MGLL: variants seen among roughly 807,000 people sequenced by gnomAD.
MGLL encodes monoglyceride lipase, also known as lysophospholipase homolog.
Under a neutral mutation model 29.1 loss-of-function variants are expected in MGLL, and 7 were observed. The ratio of observed to expected loss-of-function variants is 0.24; its 90% confidence interval spans 0.14 to 0.45. The LOEUF (loss-of-function observed/expected upper bound fraction) is 0.45. MGLL is among the 20% of genes least tolerant of loss of function. MGLL has a pLI of 0.99. For missense variants in MGLL, 356 were observed against 413.6 expected (o/e 0.86, Z 1.21); for synonymous variants, 148 against 168.3 (o/e 0.88, Z 0.93).
chr3:127,785,007 C>T (rs901558798), intron 2 of MGLL, among the ~76,000 whole-genome samples: 8 of 152,140 alleles, frequency 5.3e-5, no homozygotes, highest in Admixed American at 3.3e-4. Context: ...ATGTGCCAGG[C>T]GATAGTGTGC....
At chr3:127,710,816 A>G in intron 5 of MGLL, 151 bp from the exon 6 acceptor site, 3 of 713,378 alleles carry the variant, frequency 4.2e-6, no homozygotes, top group Admixed American at 2.0e-5. Flanking sequence ...TTAAGCCTGC[A>G]TGCCCAAGGA....
intron 6 of MGLL, among the ~76,000 whole-genome samples, chr3:127,698,287 C>T (rs1429351726): frequency 2.0e-5 from 3 of 152,146 alleles, no homozygotes; most frequent in African/African-American, 7.2e-5. Flanking sequence ...ACAGAGGGGC[C>T]AAACCCTCCC....
intron 2 of MGLL, among the ~76,000 whole-genome samples, chr3:127,793,085 T>C (rs183847959): frequency 7.9e-5 from 12 of 152,340 alleles, no homozygotes; most frequent in African/African-American, 2.9e-4. Flanking sequence ...TCCTTGGCTG[T>C]GAGCCAGATG....
At chr3:127,755,514 G>A (rs943969109) in intron 3 of MGLL, among the ~76,000 whole-genome samples, 51 of 152,254 alleles carry the variant, frequency 3.3e-4, no homozygotes, top group Admixed American at 9.8e-4. Context: ...TTATGAATGC[G>A]TGTGGGTGGG....
intron 2 of MGLL, among the ~76,000 whole-genome samples, chr3:127,784,668 G>GC (rs1360279643): frequency 6.6e-6 from 1 of 152,138 alleles, no homozygotes; most frequent in Non-Finnish European, 1.5e-5. Flanking sequence ...CACCCTGAGA[G>GC]CCCACCTTTG....
At chr3:127,756,026 A>C (rs1357613443) in intron 3 of MGLL, among the ~76,000 whole-genome samples, 2 of 152,210 alleles carry the variant, frequency 1.3e-5, no homozygotes, top group Non-Finnish European at 2.9e-5. Flanking sequence ...GATGGCATGG[A>C]TAGATGGAAC....
At chr3:127,803,927 G>A (rs1406408659) in intron 2 of MGLL, among the ~76,000 whole-genome samples, 1 of 152,168 alleles carries the variant, frequency 6.6e-6, no homozygotes, top group East Asian at 1.9e-4. Context: ...CAGGGCTCTT[G>A]AGTGTACCCC....
At chr3:127,767,203 G>T (rs903043830) in intron 3 of MGLL, among the ~76,000 whole-genome samples, 17 of 151,818 alleles carry the variant, frequency 1.1e-4, no homozygotes, top group African/African-American at 4.1e-4. Flanking sequence ...CCATCTATGG[G>T]TGCCTGTCAT....
intron 3 of MGLL, among the ~76,000 whole-genome samples, chr3:127,726,254 AAG>A (rs1419555309): frequency 1.4e-4 from 19 of 132,922 alleles, no homozygotes; most frequent in African/African-American, 5.2e-4. Context: ...AAGGGAGGGA[AAG>A]AGAGAGAGAA....
intron 3 of MGLL, among the ~76,000 whole-genome samples, chr3:127,737,630 CTTTTTTTTTTTTTTT>C (rs774965066): frequency 4.4e-5 from 3 of 68,610 alleles, no homozygotes; most frequent in African/African-American, 7.4e-5. Context: ...TCAACTGCTT[CTTTTTTTTTTTTTTT>C]TTTTTTTTTT....
chr3:127,783,357 C>T (rs900079697), intron 2 of MGLL, among the ~76,000 whole-genome samples: 2 of 152,100 alleles, frequency 1.3e-5, no homozygotes, highest in Admixed American at 1.3e-4. Context: ...GGCCTTTCTG[C>T]TGGGCTCTGG....
rs145300602 is a variant in MGLL, at chr3:127,781,936, C to T, written c.156-41G>A. On this transcript the variant is annotated intron_variant, in intron 2 of 7. Transcript: ENST00000265052. ...GGGAGCCTGGTTAGGAAAGCCCACA[C>T]GGGGCTGGGCGCGGTGGCTCATGCC... 309 of 1,590,978 alleles carry T rather than the reference C, an allele frequency of 1.9e-4. No homozygotes were observed. The African/African-American group carries it at 3.4e-3, about 17-fold the overall frequency.
chr3:127,762,671 G>A (rs570772801), intron 3 of MGLL, among the ~76,000 whole-genome samples: 1 of 152,298 alleles, frequency 6.6e-6, no homozygotes, highest in Admixed American at 6.5e-5. Context: ...CTTCGTTGCA[G>A]GTTCCTTGCA....
intron 3 of MGLL, among the ~76,000 whole-genome samples, chr3:127,738,595 C>T (rs902465582): frequency 2.0e-5 from 3 of 152,196 alleles, no homozygotes; most frequent in African/African-American, 7.2e-5. Context: ...CTGGGTCCCA[C>T]TCCTTGGGCC....
intron 3 of MGLL, among the ~76,000 whole-genome samples, chr3:127,729,644 G>T (rs1267747266): frequency 1.3e-5 from 2 of 152,124 alleles, no homozygotes; most frequent in African/African-American, 4.8e-5. Context: ...GTCCTTCATT[G>T]CTTCACTGAA....
At chr3:127,772,786 G>T (rs1028502874) in intron 3 of MGLL, among the ~76,000 whole-genome samples, 2 of 152,154 alleles carry the variant, frequency 1.3e-5, no homozygotes, top group African/African-American at 4.8e-5. Context: ...GAGGTGATAG[G>T]TCATGGGGGC....
chr3:127,805,314 T>A (rs929471534), intron 2 of MGLL, among the ~76,000 whole-genome samples: 1 of 152,138 alleles, frequency 6.6e-6, no homozygotes, highest in African/African-American at 2.4e-5. Flanking sequence ...AGACGAGCAT[T>A]GAGTGATGAA....
chr3:127,805,994 G>C (rs1559982335), intron 2 of MGLL, among the ~76,000 whole-genome samples: 1 of 152,244 alleles, frequency 6.6e-6, no homozygotes, highest in East Asian at 1.9e-4. Flanking sequence ...GCCCTCTGAG[G>C]TTAAGCCATG....
intron 2 of MGLL, among the ~76,000 whole-genome samples, chr3:127,812,031 C>T (rs1485369017): frequency 1.3e-5 from 2 of 152,220 alleles, no homozygotes; most frequent in African/African-American, 4.8e-5. Context: ...AGCACATGGC[C>T]CTTGTAGTAA....
Sources: gnomAD v4.1 joint callset for allele counts (sites outside exome capture counted in the v4.1 genomes callset) on GRCh38, gnomAD v4.1.1 for gene constraint, MANE v1.5 for transcripts, NCBI Gene and HGNC (gene_info 2026-07-23, HGNC 2026-07-21) for gene names.